ADGRV1: variants seen among roughly 807,000 people sequenced by gnomAD.
ADGRV1 encodes the protein adhesion G protein-coupled receptor V1.
In ADGRV1, 359 loss-of-function variants were observed where a neutral mutation model predicts 596.2. The ratio of observed to expected loss-of-function variants is 0.60; its 90% confidence interval spans 0.55 to 0.66. The LOEUF (loss-of-function observed/expected upper bound fraction) is 0.66, where lower values mean the gene tolerates loss of function less well. Among genes scored for constraint, ADGRV1 ranks in the 30% least tolerant of loss-of-function variants. The pLI is 0.00. For missense variants in ADGRV1, 7,274 were observed against 7,575.6 expected (o/e 0.96, Z 1.48); for synonymous variants, 2,681 against 2,679.2 (o/e 1.00, Z -0.02).
At chr5:91,001,484 A>T (rs974780126) in intron 85 of ADGRV1, among the ~76,000 whole-genome samples, 1 of 151,980 alleles carries the variant, frequency 6.6e-6, no homozygotes, top group African/African-American at 2.4e-5. Flanking sequence ...TTTTGTTGCT[A>T]TTTTTTTAAT....
At chr5:90,934,030 T>G (rs1241177107) in intron 83 of ADGRV1, among the ~76,000 whole-genome samples, 1 of 152,208 alleles carries the variant, frequency 6.6e-6, no homozygotes, top group Non-Finnish European at 1.5e-5. Flanking sequence ...CTCCAGAAAC[T>G]ATTTCAGAAA....
intron 77 of ADGRV1, among the ~76,000 whole-genome samples, chr5:90,831,310 T>C (rs1411961402): frequency 2.0e-5 from 3 of 151,100 alleles, no homozygotes; most frequent in Non-Finnish European, 3.0e-5. Flanking sequence ...AAAACATAAG[T>C]ACACGCACAC....
intron 77 of ADGRV1, among the ~76,000 whole-genome samples, chr5:90,834,768 C>T (rs1372699948): frequency 6.6e-6 from 1 of 151,432 alleles, no homozygotes; most frequent in Non-Finnish European, 1.5e-5. Flanking sequence ...CCCTTTAAGG[C>T]CAATACCTCT....
chr5:90,626,689 C>T (rs1244715174), intron 6 of ADGRV1: 1 of 152,112 alleles, frequency 6.6e-6, no homozygotes, highest in African/African-American at 2.4e-5. Context: ...GCTTTTTCTC[C>T]AGAGAGGCAT....
At chr5:90,703,076 A>G (rs748261693) in intron 34 of ADGRV1, among the ~76,000 whole-genome samples, 6 of 152,066 alleles carry the variant, frequency 3.9e-5, no homozygotes, top group Non-Finnish European at 7.4e-5. Context: ...AAATATCTCC[A>G]TTATCCAGGA....
intron 58 of ADGRV1, among the ~76,000 whole-genome samples, chr5:90,761,390 G>T (rs956561356): frequency 6.6e-6 from 1 of 152,158 alleles, no homozygotes; most frequent in Admixed American, 6.5e-5. Context: ...AATTACACAT[G>T]AATATGTAAT....
At chr5:90,711,087 C>T (rs1749279842) in intron 40 of ADGRV1, 28 bp downstream of exon 40, 10 of 1,581,362 alleles carry the variant, frequency 6.3e-6, no homozygotes, top group African/African-American at 1.4e-5. Context: ...TGAGAGCCCT[C>T]TTCTGGGTTT....
At position 91,035,677 on chromosome 5, in the gene ADGRV1, C is replaced by T. The variant is rs1334372377; in HGVS notation, c.18153-36770C>T. On this transcript the variant is annotated intron_variant, in intron 85 of 89. Transcript: ENST00000405460. ...GAATGATATAGATGAAATCATGTAT[C>T]TGCCTGCCTAGTTTCAAATCTTCCT... 3.3e-5 allele frequency among the ~76,000 whole-genome samples: 5 copies of T among 151,372 alleles called. No individual in the cohort carries two copies. The East Asian group carries it at 7.7e-4, about 23-fold the overall frequency.
chr5:90,803,981 A>G (rs913281108), intron 71 of ADGRV1, among the ~76,000 whole-genome samples: 4 of 152,070 alleles, frequency 2.6e-5, no homozygotes, highest in Non-Finnish European at 5.9e-5. Context: ...CTATACTTGT[A>G]TCAGTGTTTG....
intron 87 of ADGRV1, among the ~76,000 whole-genome samples, chr5:91,133,094 G>A (rs1049305900): frequency 6.6e-6 from 1 of 152,202 alleles, no homozygotes; most frequent in African/African-American, 2.4e-5. Flanking sequence ...GTGAAGGTGT[G>A]ATATCATGGT....
chr5:90,742,128 A>G (rs1303530863), intron 50 of ADGRV1, among the ~76,000 whole-genome samples: 4 of 152,238 alleles, frequency 2.6e-5, no homozygotes, highest in African/African-American at 7.2e-5. Context: ...AAGCAAAACT[A>G]CATATAAACC....
At chr5:91,074,565 A>G (rs747197985) in intron 86 of ADGRV1, among the ~76,000 whole-genome samples, 3 of 152,206 alleles carry the variant, frequency 2.0e-5, no homozygotes, top group Non-Finnish European at 2.9e-5. Context: ...TTCTTTATCC[A>G]GTCTACCACT....
chr5:90,767,346 A>G (rs539259534), intron 59 of ADGRV1, among the ~76,000 whole-genome samples: 1 of 152,350 alleles, frequency 6.6e-6, no homozygotes, highest in East Asian at 1.9e-4. Context: ...ATTAATAAAG[A>G]TGAAACCAGA....
chr5:91,143,999 G>T (rs1795324179), intron 87 of ADGRV1, among the ~76,000 whole-genome samples: 1 of 152,182 alleles, frequency 6.6e-6, no homozygotes, highest in East Asian at 1.9e-4. Context: ...CCCAGGCTTG[G>T]CCTCAACTTT....
At chr5:90,919,693 T>C in intron 83 of ADGRV1, among the ~76,000 whole-genome samples, 1 of 152,050 alleles carries the variant, frequency 6.6e-6, no homozygotes. Context: ...ACTACTAGAA[T>C]AGAAAGGAAA....
At chr5:90,737,641 A>C (rs1277647497) in intron 50 of ADGRV1, among the ~76,000 whole-genome samples, 1 of 151,900 alleles carries the variant, frequency 6.6e-6, no homozygotes, top group Admixed American at 6.6e-5. Flanking sequence ...TATAATTGCT[A>C]TGTCTTCTTG....
chr5:90,701,496 T>C (rs1747900906), intron 34 of ADGRV1, among the ~76,000 whole-genome samples: 1 of 152,034 alleles, frequency 6.6e-6, no homozygotes, highest in African/African-American at 2.4e-5. Flanking sequence ...GCTGTTGACA[T>C]GATACATTTT....
chr5:90,918,821 C>T (rs529323331), intron 83 of ADGRV1, among the ~76,000 whole-genome samples: 2 of 152,238 alleles, frequency 1.3e-5, no homozygotes, highest in East Asian at 3.9e-4. Context: ...CCTCTCTTTA[C>T]CTCTTAGTGG....
rs774124713 is a variant in ADGRV1 at position 91,102,256 on chromosome 5, C to T, written c.18348C>T (p.Ser6116=). 1.6e-5 allele frequency: 26 copies of T among 1,610,534 alleles called. 1 individual carries two copies. The highest frequency in any genetic ancestry group is 8.8e-5 in the South Asian group (8 of 90,608). The change falls in exon 87 of 90, where the codon TCC becomes TCT. Residue 6116 remains serine (S), a synonymous_variant. Coordinates refer to ENST00000405460, the MANE Select transcript of ADGRV1 (RefSeq NM_032119.4). ...TTTTATATCTCTTTGCTCTGATTTC[C>T]GTGACATGGCTTTGGGGAGGACTAC... The part of the protein sequence containing the change: ...PLILYLFALI[S]VTWLWGGLHM...
Sources: gnomAD v4.1 joint callset for allele counts (sites outside exome capture counted in the v4.1 genomes callset) on GRCh38, gnomAD v4.1.1 for gene constraint, MANE v1.5 for transcripts, NCBI Gene and HGNC (gene_info 2026-07-23, HGNC 2026-07-21) for gene names.